Variants in CCDC149 observed in about 807,000 individuals in gnomAD.
CCDC149 encodes the protein coiled-coil domain-containing protein 149.
Under a neutral mutation model 59.9 loss-of-function variants are expected in CCDC149, and 45 were observed. The ratio of observed to expected loss-of-function variants is 0.75; its 90% CI spans 0.59 to 0.96. The LOEUF (loss-of-function observed/expected upper bound fraction) is 0.96. CCDC149 is among the 40% of genes least tolerant of loss of function. The pLI is 0.00. For missense variants in CCDC149, 584 were observed against 664.7 expected (o/e 0.88, Z 1.33); for synonymous variants, 245 against 260.6 (o/e 0.94, Z 0.58).
At chr4:24,855,009 T>C (rs1035901985) in intron 3 of CCDC149, among the ~76,000 whole-genome samples, 2 of 152,204 alleles carry the variant, frequency 1.3e-5, no homozygotes, top group Non-Finnish European at 2.9e-5. Context: ...TTGCCATCTG[T>C]TATCATTTAC....
chr4:24,952,608 AAAAAAAAAAAAAAAAAAAATATATAT>A (rs1723328586), intron 1 of CCDC149, among the ~76,000 whole-genome samples: 1 of 33,198 alleles, frequency 3.0e-5, no homozygotes, highest in Non-Finnish European at 5.7e-5. Context: ...AAAAAAAAAA[AAAAAAAAAAAAAAAAAAAATATATAT>A]ATATATATAT....
At chr4:24,853,718 A>G (rs1195378960) in intron 3 of CCDC149, among the ~76,000 whole-genome samples, 3 of 152,120 alleles carry the variant, frequency 2.0e-5, no homozygotes, top group African/African-American at 7.2e-5. Context: ...TTGTTTGGAT[A>G]GCTTCTTATT....
At chr4:24,942,209 G>A (rs1722974677) in intron 1 of CCDC149, among the ~76,000 whole-genome samples, 1 of 152,100 alleles carries the variant, frequency 6.6e-6, no homozygotes, top group Admixed American at 6.6e-5. Context: ...TGATCAAGTG[G>A]GCTTCATCCC....
intron 1 of CCDC149, among the ~76,000 whole-genome samples, chr4:24,927,380 T>C (rs1013012418): frequency 2.0e-5 from 3 of 152,244 alleles, no homozygotes; most frequent in Admixed American, 6.5e-5. Context: ...TCAGTCTCAA[T>C]TGAACATTCT....
chr4:24,894,709 C>T (rs188424041), intron 1 of CCDC149, among the ~76,000 whole-genome samples: 4 of 151,504 alleles, frequency 2.6e-5, no homozygotes, highest in Middle Eastern at 3.4e-3. Context: ...CATCTCACAA[C>T]GTGTGTTAGG....
At chr4:24,932,590 G>C (rs1184383020) in intron 1 of CCDC149, among the ~76,000 whole-genome samples, 1 of 152,190 alleles carries the variant, frequency 6.6e-6, no homozygotes, top group African/African-American at 2.4e-5. Context: ...CTCAAACTCT[G>C]TAAATAAATC....
intron 1 of CCDC149, among the ~76,000 whole-genome samples, chr4:24,955,214 T>C (rs1357457743): frequency 6.6e-6 from 1 of 152,200 alleles, no homozygotes; most frequent in African/African-American, 2.4e-5. Context: ...GAGGGCCTTC[T>C]CACTGCATCC....
At chr4:24,946,174 A>G (rs779862659) in intron 1 of CCDC149, among the ~76,000 whole-genome samples, 4 of 152,210 alleles carry the variant, frequency 2.6e-5, no homozygotes, top group Non-Finnish European at 4.4e-5. Context: ...TCAAACATAC[A>G]GCATTTCTTC....
At chr4:24,931,310 A>ATATATATATATATATATATAT (rs1722579695) in intron 1 of CCDC149, among the ~76,000 whole-genome samples, 1 of 138,266 alleles carries the variant, frequency 7.2e-6, no homozygotes, top group African/African-American at 2.8e-5. Context: ...TTTATTTTAA[A>ATATATATATATATATATATAT]ATATATATAT....
chr4:24,837,262 T>G lies in CCDC149; in HGVS notation c.628A>C (p.Ile210Leu). ...ATACACAGGGCGTCCACGTCAATGA[T>G]GCGGTTCTCGTGCCCACTCAGGATA... The change falls in exon 6 of 13, where the codon ATC becomes CTC. Residue 210 changes from isoleucine to leucine, a missense_variant. Physicochemically the swap from Ile to Leu is conservative, Grantham distance 5. Transcript: ENST00000635206. The surrounding 1 kb of genome is among the most constrained non-coding windows in gnomAD (Gnocchi z 4.3). 6.2e-7 allele frequency: 1 copy of G among 1,614,248 alleles called. No homozygotes were observed. The highest frequency in any genetic ancestry group is 1.1e-5 in the South Asian group (1 of 91,090).
intron 1 of CCDC149, among the ~76,000 whole-genome samples, chr4:24,956,528 A>G (rs529662223): frequency 2.0e-5 from 3 of 152,216 alleles, no homozygotes; most frequent in Admixed American, 2.0e-4. Flanking sequence ...ACCCACACAC[A>G]TACCTTACCT....
rs141797489 is a variant in CCDC149, at chr4:24,837,145, T to C, written c.662+83A>G. On this transcript the variant is annotated intron_variant, in intron 6 of 12. Coordinates refer to ENST00000635206, the MANE Select transcript of CCDC149 (RefSeq NM_001330643.2). This position sits in a 1 kb window ranked among gnomAD's most constrained non-coding sequence, Gnocchi z 4.3. ...GTAAGGCAATTTTCTCCAAAATAAATAGGGCTGCAAATAACTCCCAGCCTG... is the reference window on the plus strand; with the variant it reads ...GTAAGGCAATTTTCTCCAAAATAAACAGGGCTGCAAATAACTCCCAGCCTG... The C allele has an allele frequency of 2.3e-6, 3 of 1,323,754 alleles. No homozygotes were observed. The highest frequency in any genetic ancestry group is 2.4e-5 in the East Asian group (1 of 42,152). The allele number at this position is 1,323,754 out of a possible 1,614,324, so 82.0% of individuals were successfully genotyped here. A position where few individuals can be genotyped will look rare whatever the true frequency, so the allele number is the denominator to read the frequency against.
chr4:24,833,317 T>G lies in CCDC149; in HGVS notation c.820+1631A>C, dbSNP rs577693529. On this transcript the variant is annotated intron_variant, in intron 8 of 12. Transcript: ENST00000635206. ...ATAAAATTGGATGGCTGCTTTGTAG[T>G]CTGTGTATAGATACAGAATTATTTG... Among the ~76,000 whole-genome samples the G allele has an allele frequency of 3.3e-3, 508 of 152,290 alleles. 1 individual carries two copies. The highest frequency in any genetic ancestry group is 0.011 in the African/African-American group (475 of 41,568).
chr4:24,971,513 G>A (rs558422102), intron 1 of CCDC149, among the ~76,000 whole-genome samples: 2 of 152,362 alleles, frequency 1.3e-5, no homozygotes, highest in Admixed American at 1.3e-4. Context: ...ATGAGCTTGT[G>A]CTTGGCTTGG....
chr4:24,962,042 A>G (rs1168178616), intron 1 of CCDC149, among the ~76,000 whole-genome samples: 1 of 151,366 alleles, frequency 6.6e-6, no homozygotes, highest in African/African-American at 2.4e-5. Context: ...AATGGGAGAA[A>G]ATTTTTGCAA....
intron 1 of CCDC149, among the ~76,000 whole-genome samples, chr4:24,942,649 C>T (rs751149384): frequency 4.3e-4 from 66 of 152,124 alleles, no homozygotes; most frequent in Non-Finnish European, 8.5e-4. Flanking sequence ...TAGAAAACCC[C>T]ATCATCTCAG....
chr4:24,831,978 T>G (rs1716184396), intron 8 of CCDC149, among the ~76,000 whole-genome samples: 1 of 152,216 alleles, frequency 6.6e-6, no homozygotes, highest in Non-Finnish European at 1.5e-5. Flanking sequence ...ATATTGATTT[T>G]TTTCCATTTC....
rs182709518 is a variant in CCDC149, at chr4:24,807,411, G to A, written c.*978C>T. 6 of 152,164 alleles carry A rather than the reference G, an allele frequency of 3.9e-5. No individual in the cohort carries two copies. The highest frequency in any genetic ancestry group is 2.1e-4 in the South Asian group (1 of 4,820). 9.4% of individuals were successfully genotyped at this position (152,164 alleles called of 1,614,324 possible). Reference sequence around the variant, plus strand: ...CTCTGTTTCTGTCTTTAAGATTCCCGTACTTGGTGGCACAAATGAGGCAGC... The same window carrying A: ...CTCTGTTTCTGTCTTTAAGATTCCCATACTTGGTGGCACAAATGAGGCAGC... On this transcript the variant is annotated 3_prime_UTR_variant, in exon 13 of 13. Coordinates refer to ENST00000635206, the MANE Select transcript of CCDC149 (RefSeq NM_001330643.2).
At chr4:24,916,609 G>A (rs1289618011), upstream of CCDC149, among the ~76,000 whole-genome samples, 2 of 152,118 alleles carry the variant, frequency 1.3e-5, no homozygotes, top group Non-Finnish European at 2.9e-5. Context: ...GGCTGTTGGA[G>A]TTCTCATTAA....
Sources: gnomAD v4.1 joint callset for allele counts (sites outside exome capture counted in the v4.1 genomes callset) on GRCh38, gnomAD v4.1.1 for gene constraint, Gnocchi (gnomAD v3.1) non-coding constraint, MANE v1.5 for transcripts, NCBI Gene and HGNC (gene_info 2026-07-23, HGNC 2026-07-21) for gene names.